The following LMAN2L variants were observed in gnomAD, a reference collection of about 807,000 sequenced individuals.
The protein encoded by LMAN2L is VIP36-like protein.
A neutral mutation model predicts 44.3 loss-of-function variants in LMAN2L; 30 were observed. That is an observed-to-expected ratio of 0.68 (90% CI 0.51 to 0.92). The LOEUF (loss-of-function observed/expected upper bound fraction) is 0.92, where lower values mean the gene tolerates loss of function less well. Ranked by LOEUF, LMAN2L falls within the 40% of genes least tolerant of loss-of-function variation. The pLI is 0.00. For missense variants in LMAN2L, 429 were observed against 446.1 expected (o/e 0.96, Z 0.35); for synonymous variants, 183 against 171.1 (o/e 1.07, Z -0.54).
chr2:96,724,753 TCTC>T (rs1411621649), intron 4 of LMAN2L, among the ~76,000 whole-genome samples: 1 of 152,220 alleles, frequency 6.6e-6, no homozygotes, highest in East Asian at 1.9e-4. Context: ...TTCAAGCAAT[TCTC>T]CTGCCTCTGC....
intron 2 of LMAN2L, 82 bp downstream of exon 2, chr2:96,737,867 C>G (rs2078548403): frequency 1.3e-6 from 1 of 775,496 alleles, no homozygotes; most frequent in Non-Finnish European, 2.3e-6. Context: ...GGGGGATAGA[C>G]AGTAAAATTA....
intron 4 of LMAN2L, among the ~76,000 whole-genome samples, chr2:96,719,795 T>C (rs1158780915): frequency 6.6e-6 from 1 of 152,132 alleles, no homozygotes; most frequent in East Asian, 1.9e-4. Flanking sequence ...GGTTTCACCA[T>C]GTTGGCCAGG....
intron 4 of LMAN2L, among the ~76,000 whole-genome samples, chr2:96,720,142 T>C (rs1047162678): frequency 1.3e-5 from 2 of 152,174 alleles, no homozygotes; most frequent in Non-Finnish European, 2.9e-5. Flanking sequence ...AAAAAAAGTA[T>C]GAGGAGTATC....
At chr2:96,707,983 A>C in intron 6 of LMAN2L, 150 bp from the exon 7 acceptor site, 1 of 764,378 alleles carries the variant, frequency 1.3e-6, no homozygotes, top group Non-Finnish European at 2.1e-6. Context: ...GCAACTAAAA[A>C]TAAGGATGGG....
At position 96,706,243 on chromosome 2, in the gene LMAN2L, C is replaced by G. The variant is rs1310993443; in HGVS notation, c.*1013G>C. 6.6e-6 allele frequency: 1 copy of G among 152,244 alleles called. No individual in the cohort carries two copies. The highest frequency in any genetic ancestry group is 1.5e-5 in the Non-Finnish European group (1 of 68,036). 9.4% of individuals were successfully genotyped at this position (152,244 alleles called of 1,614,324 possible). ...TAAGAAAAAAAAAGCCAAATTTCTT[C>G]TCTGGGCAATATCCAAGCCCAAGGT... On this transcript the variant is annotated 3_prime_UTR_variant, in exon 8 of 8. Transcript: ENST00000264963.
At chr2:96,707,648 T>C in intron 7 of LMAN2L, 66 bp downstream of exon 7, 4 of 1,583,376 alleles carry the variant, frequency 2.5e-6, no homozygotes, top group Non-Finnish European at 3.4e-6. Flanking sequence ...CCCTGTGAGC[T>C]ATGGGTACAG....
At chr2:96,723,402 T>C (rs902827548) in intron 4 of LMAN2L, among the ~76,000 whole-genome samples, 2 of 152,228 alleles carry the variant, frequency 1.3e-5, no homozygotes, top group East Asian at 1.9e-4. Context: ...TACTATTGAG[T>C]TGTAATAGTT....
At chr2:96,717,217 A>G (rs185545894) in intron 4 of LMAN2L, among the ~76,000 whole-genome samples, 64 of 152,256 alleles carry the variant, frequency 4.2e-4, no homozygotes, top group African/African-American at 1.5e-3. Context: ...ACACATACAC[A>G]CAGACACACA....
rs370253896 is a variant in LMAN2L at position 96,739,729 on chromosome 2, T to A, written c.187+125A>T. 49 of 955,762 alleles carry A rather than the reference T, an allele frequency of 5.1e-5. 3 individuals are homozygous for A. The highest frequency in any genetic ancestry group is 2.1e-4 in the Admixed American group (10 of 48,764). 59.2% of individuals were successfully genotyped at this position (955,762 alleles called of 1,614,324 possible). On this transcript the variant is annotated intron_variant, in intron 1 of 7. Transcript: ENST00000264963. Reference sequence around the variant, plus strand: ...CTCCCAAACGCGGAGGGAGTCTCCGTGGGCCCCACCACCGCCAGCAGTTTC... The same window carrying A: ...CTCCCAAACGCGGAGGGAGTCTCCGAGGGCCCCACCACCGCCAGCAGTTTC...
intron 4 of LMAN2L, among the ~76,000 whole-genome samples, chr2:96,721,003 T>A (rs551714165): frequency 4.6e-5 from 7 of 152,054 alleles, no homozygotes; most frequent in Non-Finnish European, 1.0e-4. Flanking sequence ...CACAATTCAC[T>A]TAAAGTATAT....
chr2:96,723,372 A>G (rs2078199459), intron 4 of LMAN2L, among the ~76,000 whole-genome samples: 1 of 152,066 alleles, frequency 6.6e-6, no homozygotes, highest in African/African-American at 2.4e-5. Flanking sequence ...TCTTTTGCCC[A>G]TTTTCTAATT....
chr2:96,723,573 G>T (rs923363569), intron 4 of LMAN2L, among the ~76,000 whole-genome samples: 61 of 151,918 alleles, frequency 4.0e-4, no homozygotes, highest in African/African-American at 1.4e-3. Context: ...TTTTCTTTTG[G>T]TGTCACATCT....
chr2:96,724,732 C>T (rs533250888), intron 4 of LMAN2L, among the ~76,000 whole-genome samples: 62 of 152,282 alleles, frequency 4.1e-4, no homozygotes, highest in Non-Finnish European at 7.5e-4. Context: ...CTGTAGCCTC[C>T]GCCTCCCAGG....
intron 4 of LMAN2L, among the ~76,000 whole-genome samples, chr2:96,720,938 C>CA (rs1012329265): frequency 2.0e-5 from 3 of 151,266 alleles, no homozygotes; most frequent in Non-Finnish European, 4.4e-5. Context: ...GACTCAGTCT[C>CA]AAAAAAAATA....
chr2:96,730,071 T>C (rs1049081102), intron 4 of LMAN2L, among the ~76,000 whole-genome samples: 1 of 152,090 alleles, frequency 6.6e-6, no homozygotes, highest in African/African-American at 2.4e-5. Flanking sequence ...CTAAAATAAA[T>C]TTTTTTTAAT....
intron 1 of LMAN2L, 139 bp downstream of exon 1, chr2:96,739,715 G>T: frequency 3.6e-6 from 3 of 833,526 alleles, no homozygotes. Context: ...TCCCAAACGC[G>T]GAGGGAGTCT....
At position 96,711,682 on chromosome 2, in the gene LMAN2L, G is replaced by A. The variant is rs371796431; in HGVS notation, c.758C>T (p.Thr253Ile). 6.2e-6 allele frequency: 10 copies of A among 1,613,708 alleles called. No homozygotes were observed. Among genetic ancestry groups the A allele is most frequent in the Non-Finnish European group, 8.5e-6 (10 of 1,179,770 alleles). The change falls in exon 6 of 8, where the codon ACC becomes ATC. Residue 253 changes from threonine (T) to isoleucine (I), a missense_variant. Physicochemically the swap from Thr to Ile is moderately conservative, Grantham distance 89. Coordinates refer to ENST00000264963, the MANE Select transcript of LMAN2L (RefSeq NM_030805.4). Reference protein sequence around the residue: ...VRLPRGYYFGTSSITGDLSDN... With the variant: ...VRLPRGYYFGISSITGDLSDN... ...TGAGAGATCCCCAGTGATGGAGGAG[G>A]TGCCGAAGTAGTAGCCGCGGGGCAG...
chr2:96,725,157 A>G (rs1014372705), intron 4 of LMAN2L, among the ~76,000 whole-genome samples: 4 of 151,906 alleles, frequency 2.6e-5, no homozygotes, highest in African/African-American at 9.7e-5. Flanking sequence ...ACGGGGTTTC[A>G]CCATCTTGGC....
intron 4 of LMAN2L, among the ~76,000 whole-genome samples, chr2:96,722,407 A>G (rs2078177469): frequency 6.6e-6 from 1 of 151,464 alleles, no homozygotes; most frequent in African/African-American, 2.4e-5. Flanking sequence ...GATGGGAGAC[A>G]GTGACAGATC....
Sources: allele counts gnomAD v4.1 joint callset (sites outside exome capture counted in the v4.1 genomes callset), GRCh38; gene constraint gnomAD v4.1.1; transcripts MANE v1.5; gene names NCBI Gene and HGNC (gene_info 2026-07-23, HGNC 2026-07-21).